PCDH9: variants seen among roughly 807,000 people sequenced by gnomAD.
The protein encoded by PCDH9 is protocadherin 9.
A neutral mutation model predicts 70.6 loss-of-function variants in PCDH9; 24 were observed. That is an observed-to-expected ratio of 0.34 (90% CI 0.25 to 0.48). The LOEUF (loss-of-function observed/expected upper bound fraction) is 0.48, where lower values mean the gene tolerates loss of function less well. PCDH9 is among the 20% of genes least tolerant of loss of function. The probability of loss-of-function intolerance (pLI) is 0.99; values close to 1 mark genes in which losing one functional copy is unlikely to be tolerated. For synonymous variants in PCDH9, 562 were observed against 558.5 expected, an observed-to-expected ratio of 1.01 and a Z score of -0.09; for missense variants, 1,281 against 1,503.6, an observed-to-expected ratio of 0.85 and a Z score of 2.45.
chr13:66,352,511 T>C (rs183197004), intron 4 of PCDH9, among the ~76,000 whole-genome samples: 1 of 152,260 alleles, frequency 6.6e-6, no homozygotes, highest in East Asian at 1.9e-4. Context: ...TGTAGGTGTC[T>C]GCCATCTCAT....
chr13:66,539,929 A>G (rs1203750682), intron 4 of PCDH9, among the ~76,000 whole-genome samples: 1 of 129,914 alleles, frequency 7.7e-6, no homozygotes, highest in Admixed American at 8.9e-5. Flanking sequence ...GCAGTGTAGT[A>G]GTGGAATCAA....
At chr13:66,831,473 C>T (rs1243303949) in intron 3 of PCDH9, among the ~76,000 whole-genome samples, 2 of 152,040 alleles carry the variant, frequency 1.3e-5, no homozygotes, top group African/African-American at 2.4e-5. Flanking sequence ...TTTGTATTCA[C>T]CTTTTGTGTT....
intron 4 of PCDH9, among the ~76,000 whole-genome samples, chr13:66,495,334 G>T (rs964460131): frequency 1.3e-5 from 2 of 152,190 alleles, no homozygotes; most frequent in African/African-American, 4.8e-5. Flanking sequence ...TTTAAGCAAT[G>T]ACACATTGAA....
intron 4 of PCDH9, among the ~76,000 whole-genome samples, chr13:66,414,767 A>C (rs1046051353): frequency 6.6e-6 from 1 of 152,172 alleles, no homozygotes; most frequent in Non-Finnish European, 1.5e-5. Context: ...TTGAAAGTAT[A>C]ATATTTCAAC....
At chr13:66,878,576 C>A (rs969417132) in intron 3 of PCDH9, among the ~76,000 whole-genome samples, 2 of 152,092 alleles carry the variant, frequency 1.3e-5, no homozygotes, top group East Asian at 1.9e-4. Flanking sequence ...GCCTTGAACA[C>A]CCGATTTTAT....
At chr13:67,040,541 C>T (rs1345076657) in intron 2 of PCDH9, among the ~76,000 whole-genome samples, 2 of 152,078 alleles carry the variant, frequency 1.3e-5, no homozygotes, top group Non-Finnish European at 2.9e-5. Context: ...TGCAAGAGGG[C>T]CCTCATCAGA....
intron 2 of PCDH9, among the ~76,000 whole-genome samples, chr13:67,191,188 A>T (rs1259042472): frequency 6.6e-6 from 1 of 152,122 alleles, no homozygotes; most frequent in African/African-American, 2.4e-5. Context: ...CTAAATTCTC[A>T]TTCCACAAGT....
intron 2 of PCDH9, among the ~76,000 whole-genome samples, chr13:67,189,500 CAT>C (rs2088852528): frequency 1.3e-5 from 2 of 151,928 alleles, no homozygotes; most frequent in African/African-American, 2.4e-5. Context: ...TAAATTGTCA[CAT>C]GTGGTTAGTG....
rs539247725 is a variant in PCDH9, at chr13:67,229,116, T to A, written c.-135-541A>T. Among the ~76,000 whole-genome samples the A allele has an allele frequency of 3.8e-4, 58 of 152,346 alleles. 1 individual carries two copies. Among genetic ancestry groups the A allele is most frequent in the Admixed American group, 2.7e-3 (42 of 15,300 alleles). On this transcript the variant is annotated intron_variant, in intron 1 of 4. Coordinates refer to ENST00000377865, the MANE Select transcript of PCDH9 (RefSeq NM_203487.3). ...TTACTGGGAAACGAGCATCCGGACA[T>A]GCCGCTGCAGCGGCATCAGAAGCAA...
intron 2 of PCDH9, among the ~76,000 whole-genome samples, chr13:67,116,098 T>C (rs1291610027): frequency 6.6e-6 from 1 of 152,166 alleles, no homozygotes; most frequent in Non-Finnish European, 1.5e-5. Context: ...TCAATATGTC[T>C]TTGATTTCTG....
At chr13:66,760,845 T>G (rs985621915) in intron 3 of PCDH9, among the ~76,000 whole-genome samples, 5 of 152,120 alleles carry the variant, frequency 3.3e-5, no homozygotes, top group African/African-American at 1.2e-4. Flanking sequence ...TGGGAGTGTC[T>G]ATCTTATGCA....
chr13:67,164,968 A>G (rs879794776), intron 2 of PCDH9, among the ~76,000 whole-genome samples: 2 of 152,138 alleles, frequency 1.3e-5, no homozygotes, highest in African/African-American at 2.4e-5. Flanking sequence ...ATATACCTCC[A>G]TGAAAGCCCC....
rs573636685 is a variant in PCDH9 at position 66,736,697 on chromosome 13, C to T, written c.3139-105286G>A. On this transcript the variant is annotated intron_variant, in intron 3 of 4. Coordinates refer to ENST00000377865, the MANE Select transcript of PCDH9 (RefSeq NM_203487.3). ...TCATTGCAACATTTTTAAATGTCCT[C>T]AAGCATGGATTTCATAATATGAATA... 2.6e-5 allele frequency among the ~76,000 whole-genome samples: 4 copies of T among 152,300 alleles called. No individual in the cohort carries two copies. The East Asian group carries it at 5.8e-4, about 22-fold the overall frequency.
chr13:66,757,181 G>C (rs1409896244), intron 3 of PCDH9, among the ~76,000 whole-genome samples: 1 of 152,056 alleles, frequency 6.6e-6, no homozygotes, highest in Non-Finnish European at 1.5e-5. Flanking sequence ...TGCGGTCTTC[G>C]GTGCTCTGTC....
At chr13:66,568,197 T>C (rs1235322763) in intron 4 of PCDH9, among the ~76,000 whole-genome samples, 2 of 152,104 alleles carry the variant, frequency 1.3e-5, no homozygotes, top group East Asian at 1.9e-4. Context: ...TTATCTACCA[T>C]GTGAGGACAC....
intron 3 of PCDH9, among the ~76,000 whole-genome samples, chr13:66,692,141 A>C (rs1330009745): frequency 2.6e-5 from 4 of 152,124 alleles, no homozygotes; most frequent in Non-Finnish European, 5.9e-5. Context: ...GGCATGAAGA[A>C]ATTTTGTCAG....
At chr13:66,716,522 T>C (rs1398942630) in intron 3 of PCDH9, among the ~76,000 whole-genome samples, 1 of 152,146 alleles carries the variant, frequency 6.6e-6, no homozygotes, top group East Asian at 1.9e-4. Flanking sequence ...ATGTTAGCTT[T>C]GTAAATAAGG....
At chr13:66,640,904 C>G (rs550396328) in intron 3 of PCDH9, among the ~76,000 whole-genome samples, 3 of 151,646 alleles carry the variant, frequency 2.0e-5, no homozygotes, top group Non-Finnish European at 4.4e-5. Context: ...TTTATGGAGT[C>G]TCACTCTGTC....
intron 2 of PCDH9, among the ~76,000 whole-genome samples, chr13:67,000,411 G>A (rs936619880): frequency 2.0e-5 from 3 of 151,360 alleles, no homozygotes; most frequent in Non-Finnish European, 4.4e-5. Flanking sequence ...CAGCACACCA[G>A]CATGGCACAT....
Sources: allele counts gnomAD v4.1 joint callset (sites outside exome capture counted in the v4.1 genomes callset), GRCh38; gene constraint gnomAD v4.1.1; transcripts MANE v1.5; gene names NCBI Gene and HGNC (gene_info 2026-07-23, HGNC 2026-07-21).